CRISP2: variants seen among roughly 807,000 people sequenced by gnomAD.
The protein encoded by CRISP2 is cysteine rich secretory protein 2, also known as cysteine-rich secretory protein 2.
CRISP2 carries 29 observed loss-of-function variants against 31.7 expected under a neutral mutation model. The ratio of observed to expected loss-of-function variants is 0.92; its 90% CI spans 0.68 to 1.25. CRISP2 has a LOEUF of 1.25. CRISP2 is among the 50% of genes most tolerant of loss of function. The pLI is 0.00. For synonymous variants in CRISP2, 111 were observed against 101.4 expected (o/e 1.09, Z -0.57); for missense variants, 318 against 286.5 (o/e 1.11, Z -0.79).
intron 8 of CRISP2, among the ~76,000 whole-genome samples, chr6:49,696,274 C>T (rs1051163059): frequency 1.3e-5 from 2 of 152,030 alleles, no homozygotes; most frequent in Non-Finnish European, 2.9e-5. Flanking sequence ...AGGGGTAAAA[C>T]ATCCTGTAGA....
At chr6:49,705,548 G>C (rs939446268) in intron 4 of CRISP2, among the ~76,000 whole-genome samples, 1 of 152,084 alleles carries the variant, frequency 6.6e-6, no homozygotes, top group Non-Finnish European at 1.5e-5. Context: ...GATCTGCCCA[G>C]AAAAATTTGC....
chr6:49,696,445 G>T (rs866534536), intron 8 of CRISP2, among the ~76,000 whole-genome samples: 45 of 151,912 alleles, frequency 3.0e-4, no homozygotes, highest in African/African-American at 1.0e-3. Flanking sequence ...CCAGATGGAG[G>T]TTGCGATTTT....
chr6:49,713,012 AT>A (rs564846691), intron 1 of CRISP2, among the ~76,000 whole-genome samples: 9 of 149,874 alleles, frequency 6.0e-5, no homozygotes, highest in African/African-American at 7.3e-5. Flanking sequence ...TTGTCTCTTC[AT>A]TTTTTTTTTA....
At position 49,692,507 on chromosome 6, in the gene CRISP2, T is replaced by G. The variant is rs755110457; in HGVS notation, c.*266A>C. On this transcript the variant is annotated 3_prime_UTR_variant, in exon 10 of 10. Transcript: ENST00000339139. ...CAAAGTCCTAGTGACCTAAATCCTA[T>G]GGTTATACAGTTTTCAAAATCCTCA... 2.6e-5 allele frequency: 7 copies of G among 271,072 alleles called. No individual in the cohort carries two copies. Among genetic ancestry groups the G allele is most frequent in the Middle Eastern group, 1.1e-3 (1 of 888 alleles). 16.8% of individuals were successfully genotyped at this position (271,072 alleles called of 1,614,324 possible). A position where few individuals can be genotyped will look rare whatever the true frequency, so the allele number is the denominator to read the frequency against.
chr6:49,682,330 T>C, the CRISP2 span, among the ~76,000 whole-genome samples: 1 of 152,176 alleles, frequency 6.6e-6, no homozygotes, highest in Non-Finnish European at 1.5e-5. Context: ...CCTTATATAT[T>C]CAACTGTCTT....
chr6:49,706,218 T>C (rs1454526004), intron 4 of CRISP2, among the ~76,000 whole-genome samples: 1 of 152,200 alleles, frequency 6.6e-6, no homozygotes, highest in African/African-American at 2.4e-5. Flanking sequence ...TGATTCATCT[T>C]AAATTTTATG....
chr6:49,688,017 G>A (rs775112298), downstream of CRISP2, among the ~76,000 whole-genome samples: 6 of 152,238 alleles, frequency 3.9e-5, no homozygotes, highest in Non-Finnish European at 2.9e-5. Context: ...TTGATATGCC[G>A]AGGGACTGAT....
In CRISP2 at chr6:49,699,896, A is replaced by T; in HGVS notation, c.184-5T>A. 1 of 1,611,468 alleles carries T rather than the reference A, an allele frequency of 6.2e-7. No homozygotes were observed. Among genetic ancestry groups the T allele is most frequent in the Non-Finnish European group, 8.5e-7 (1 of 1,178,412 alleles). On this transcript the variant is annotated splice_polypyrimidine_tract_variant and splice_region_variant and intron_variant, in intron 5 of 9. Coordinates refer to ENST00000339139, the MANE Select transcript of CRISP2 (RefSeq NM_003296.4). ...TGTTACCTCTCTGCTCCATTCCTAA[A>T]CGTCACAAGAAAACAAAATACACTT...
Position 49,692,555 on chromosome 6 carries a change from G to T in CRISP2, c.*218C>A. ...TCAACCTGATTCAGTTCGTTATAAA[G>T]CACTAAATTTATGTCAGAGTTCACA... On this transcript the variant is annotated 3_prime_UTR_variant, in exon 10 of 10. Coordinates refer to ENST00000339139, the MANE Select transcript of CRISP2 (RefSeq NM_003296.4). The T allele has an allele frequency of 2.3e-6, 1 of 433,324 alleles. No homozygotes were observed. Among genetic ancestry groups the T allele is most frequent in the Non-Finnish European group, 4.2e-6 (1 of 240,314 alleles). The allele number at this position is 433,324 out of a possible 1,614,324, so 26.8% of individuals were successfully genotyped here. A position where few individuals can be genotyped will look rare whatever the true frequency, so the allele number is the denominator to read the frequency against.
intron 8 of CRISP2, among the ~76,000 whole-genome samples, chr6:49,697,191 G>T (rs360555): frequency 0.14 from 20,778 of 152,026 alleles, 1,573 homozygotes; most frequent in African/African-American, 0.2. Context: ...ATATCCATAG[G>T]ATTTATTGTG....
At position 49,702,168 on chromosome 6, in the gene CRISP2, T is replaced by C. The variant is rs1174611759; in HGVS notation, c.67-1384A>G. 4.8e-5 allele frequency among the ~76,000 whole-genome samples: 5 copies of C among 104,994 alleles called. No individual in the cohort carries two copies. In the South Asian group the frequency reaches 1.4e-3, roughly 29 times the overall value. 68.9% of individuals were successfully genotyped at this position (104,994 alleles called of 152,430 possible). A position where few individuals can be genotyped will look rare whatever the true frequency, so the allele number is the denominator to read the frequency against. On this transcript the variant is annotated intron_variant, in intron 4 of 9. Coordinates refer to ENST00000339139, the MANE Select transcript of CRISP2 (RefSeq NM_003296.4). ...ATATATATATATATATATATATATA[T>C]ATATATATATATATAACATTTTCTT...
At chr6:49,696,182 T>C (rs1022591413) in intron 8 of CRISP2, among the ~76,000 whole-genome samples, 3 of 152,072 alleles carry the variant, frequency 2.0e-5, no homozygotes, top group Non-Finnish European at 4.4e-5. Context: ...ATTTTGAGAG[T>C]ATATTCAGTG....
chr6:49,695,702 T>G, intron 9 of CRISP2, 134 bp downstream of exon 9: 1 of 645,418 alleles, frequency 1.5e-6, no homozygotes, highest in Admixed American at 3.1e-5. Flanking sequence ...AAGCATACTT[T>G]GTTGAATAAT....
intron 4 of CRISP2, among the ~76,000 whole-genome samples, chr6:49,703,192 C>G (rs1269955574): frequency 6.6e-6 from 1 of 152,068 alleles, no homozygotes; most frequent in African/African-American, 2.4e-5. Context: ...TATTTTTATA[C>G]CAGTACCATG....
At chr6:49,696,550 A>G (rs1227787420) in intron 8 of CRISP2, among the ~76,000 whole-genome samples, 2 of 151,216 alleles carry the variant, frequency 1.3e-5, no homozygotes, top group Non-Finnish European at 2.9e-5. Flanking sequence ...CATTTACCAA[A>G]ATGGAATATT....
At position 49,709,206 on chromosome 6, in the gene CRISP2, C is replaced by G; in HGVS notation, c.-9-1G>C. On this transcript the variant is annotated splice_acceptor_variant, in intron 3 of 9. Coordinates refer to ENST00000339139, the MANE Select transcript of CRISP2 (RefSeq NM_003296.4). LOFTEE classifies it low-confidence loss of function (5UTR_SPLICE). Reference sequence around the variant, plus strand: ...CCGGTAGTAAAGCCATTGCTGGAAACTAAGTCAAGAAAAACAAAGGTCTGC... The same window carrying G: ...CCGGTAGTAAAGCCATTGCTGGAAAGTAAGTCAAGAAAAACAAAGGTCTGC... 2 of 1,612,982 alleles carry G rather than the reference C, an allele frequency of 1.2e-6. No homozygotes were observed. Among genetic ancestry groups the G allele is most frequent in the Non-Finnish European group, 1.7e-6 (2 of 1,179,682 alleles).
intron 4 of CRISP2, among the ~76,000 whole-genome samples, chr6:49,701,857 T>C (rs1298505719): frequency 2.0e-5 from 2 of 102,264 alleles, no homozygotes; most frequent in Non-Finnish European, 3.6e-5. Context: ...TTATATAATA[T>C]ATATTATTAT....
rs746432552 is a variant in CRISP2, at chr6:49,692,729, G to A, written c.*44C>T. 3 of 1,551,882 alleles carry A rather than the reference G, an allele frequency of 1.9e-6. No individual in the cohort carries two copies. Among genetic ancestry groups the A allele is most frequent in the South Asian group, 2.4e-5 (2 of 83,174 alleles). On this transcript the variant is annotated 3_prime_UTR_variant, in exon 10 of 10. Transcript: ENST00000339139. ...CACTGGTATGTCGCAATTAAATGAT[G>A]CAGCCCTTATCCATGCAGTCTTGCA...
At position 49,701,312 on chromosome 6, in the gene CRISP2, T is replaced by C. The variant is rs1765635800; in HGVS notation, c.67-528A>G. On this transcript the variant is annotated intron_variant, in intron 4 of 9. Coordinates refer to ENST00000339139, the MANE Select transcript of CRISP2 (RefSeq NM_003296.4). ...TCTCCCAAGTCCCCAAAGTCAATTGTATCATTCTTATGCCTGTGCATCCTC... is the reference window on the plus strand; with the variant it reads ...TCTCCCAAGTCCCCAAAGTCAATTGCATCATTCTTATGCCTGTGCATCCTC... Among the ~76,000 whole-genome samples, 2 of 151,968 alleles carry C rather than the reference T, an allele frequency of 1.3e-5. 1 individual carries two copies. Among genetic ancestry groups the C allele is most frequent in the South Asian group, 4.2e-4 (2 of 4,814 alleles).
Sources: allele counts gnomAD v4.1 joint callset (sites outside exome capture counted in the v4.1 genomes callset), GRCh38; gene constraint gnomAD v4.1.1; transcripts MANE v1.5; gene names NCBI Gene and HGNC (gene_info 2026-07-23, HGNC 2026-07-21).